MMP11: variants seen among roughly 807,000 people sequenced by gnomAD.
MMP11 encodes the protein stromelysin-3.
A neutral mutation model predicts 49.5 loss-of-function variants in MMP11; 26 were observed. The ratio of observed to expected loss-of-function variants is 0.52; its 90% CI spans 0.38 to 0.73. MMP11 has a LOEUF of 0.73. Ranked by LOEUF, MMP11 falls within the 30% of genes least tolerant of loss-of-function variation. The pLI is 0.00. For missense variants in MMP11, 624 were observed against 671.2 expected, an observed-to-expected ratio of 0.93 and a Z score of 0.78; for synonymous variants, 265 against 282.3, an observed-to-expected ratio of 0.94 and a Z score of 0.62.
chr22:23,783,127 G>A (rs1015872490), intron 7 of MMP11, among the ~76,000 whole-genome samples: 2 of 152,186 alleles, frequency 1.3e-5, no homozygotes, highest in South Asian at 2.1e-4. Flanking sequence ...TGGGGGCAAC[G>A]GGACTTGCTT....
chr22:23,783,514 C>T lies in MMP11; in HGVS notation c.1437C>T (p.Gly479=). Residue 479 remains glycine (G), a synonymous_variant, in exon 8 of 8, where the codon GGC becomes GGT. Transcript: ENST00000215743. ...GTCTCGTGGGTCCTGACTTCTTTGG[C>T]TGTGCCGAGCCTGCCAACACTTTCC... The part of the protein sequence containing the change: ...FPRLVGPDFF[G]CAEPANTFL 3 of 1,614,230 alleles carry T rather than the reference C, an allele frequency of 1.9e-6. No individual in the cohort carries two copies. The highest frequency in any genetic ancestry group is 2.5e-6 in the Non-Finnish European group (3 of 1,180,028).
Position 23,772,897 on chromosome 22 carries a change from C to A in MMP11, c.27C>A (p.Ser9Arg), listed in dbSNP as rs1168616816. Residue 9 changes from serine (S) to arginine (R), a missense_variant, in exon 1 of 8, where the codon AGC becomes AGA. Transcript: ENST00000215743. ...TGGCTCCGGCCGCCTGGCTCCGCAG[C>A]GCGGCCGCGCGCGCCCTCCTGCCCC... MAPAAWLR[S>R]AAARALLPPM... 14 of 1,167,912 alleles carry A rather than the reference C, an allele frequency of 1.2e-5. No homozygotes were observed. The highest frequency in any genetic ancestry group is 1.6e-5 in the African/African-American group (1 of 61,720). 72.3% of individuals were successfully genotyped at this position (1,167,912 alleles called of 1,614,324 possible).
intron 2 of MMP11, chr22:23,779,638 G>A (rs1325903575): frequency 1.7e-6 from 1 of 576,162 alleles, no homozygotes; most frequent in Non-Finnish European, 3.1e-6. Flanking sequence ...GAGGGGCAGA[G>A]CCTCCGTCAT....
At position 23,781,302 on chromosome 22, in the gene MMP11, A is replaced by C. The variant is rs752352234; in HGVS notation, c.968A>C (p.Gln323Pro). The change falls in exon 6 of 8, where the codon CAG becomes CCG. Residue 323 changes from glutamine to proline, a missense_variant. Gln to Pro is a moderately conservative substitution (Grantham distance 76, BLOSUM62 -1). Coordinates refer to ENST00000215743, the MANE Select transcript of MMP11 (RefSeq NM_005940.5). ...TTTGTGTGGCGCCTCCGTGGGGGCC[A>C]GCTGCAGCCCGGCTACCCAGCATTG... ...AGFVWRLRGG[Q>P]LQPGYPALAS... is the part of the protein sequence containing the mutation. The C allele has an allele frequency of 6.2e-7, 1 of 1,612,870 alleles. No individual in the cohort carries two copies. The highest frequency in any genetic ancestry group is 1.1e-5 in the South Asian group (1 of 91,082).
At chr22:23,781,503 C>G in intron 6 of MMP11, 94 bp downstream of exon 6, 2 of 1,221,590 alleles carry the variant, frequency 1.6e-6, no homozygotes, top group Non-Finnish European at 2.3e-6. Flanking sequence ...CTTAGGGACA[C>G]AGTGGATAGG....
chr22:23,781,743 T>C (rs1045247381), intron 6 of MMP11: 5 of 627,988 alleles, frequency 8.0e-6, no homozygotes, highest in East Asian at 3.5e-5. Flanking sequence ...TGAGTGCAGC[T>C]GGGAAGAGGC....
Position 23,780,367 on chromosome 22 carries a change from G to A in MMP11, c.347G>A (p.Arg116Gln), listed in dbSNP as rs1444868347. 6.2e-7 allele frequency: 1 copy of A among 1,612,948 alleles called. No homozygotes were observed. Among genetic ancestry groups the A allele is most frequent in the Non-Finnish European group, 8.5e-7 (1 of 1,180,030 alleles). Residue 116 changes from arginine to glutamine, a missense_variant, in exon 3 of 8, where the codon CGG (arginine) becomes CAG (glutamine). Arg to Gln is a conservative substitution (Grantham distance 43). Transcript: ENST00000215743. The surrounding 1 kb of genome is among the most constrained non-coding windows in gnomAD (Gnocchi z 4.6). The part of the protein sequence containing the change: ...EKTDLTYRIL[R>Q]FPWQLVQEQV... ...CCTCCATCTCCCTCCAGGATCCTTC[G>A]GTTCCCATGGCAGTTGGTGCAGGAG...
At position 23,781,322 on chromosome 22, in the gene MMP11, G is replaced by A. The variant is rs1188606428; in HGVS notation, c.988G>A (p.Ala330Thr). 27 of 1,613,186 alleles carry A rather than the reference G, an allele frequency of 1.7e-5. No individual in the cohort carries two copies. The highest frequency in any genetic ancestry group is 2.3e-5 in the Non-Finnish European group (27 of 1,180,000). ...RGGQLQPGYP[A>T]LASRHWQGLP... ...GGGCCAGCTGCAGCCCGGCTACCCA[G>A]CATTGGCCTCTCGCCACTGGCAGGG... is the stretch of plus-strand genomic sequence containing the variant. The change falls in exon 6 of 8, where the codon GCA becomes ACA. Residue 330 changes from alanine to threonine, a missense_variant. Physicochemically the swap from Ala to Thr is moderately conservative, Grantham distance 58. Coordinates refer to ENST00000215743, the MANE Select transcript of MMP11 (RefSeq NM_005940.5).
At chr22:23,773,909 C>T (rs1358475388) in intron 1 of MMP11, among the ~76,000 whole-genome samples, 2 of 152,108 alleles carry the variant, frequency 1.3e-5, no homozygotes, top group Non-Finnish European at 2.9e-5. Context: ...AGGCTGGGAC[C>T]CTCTGTCCAG....
intron 1 of MMP11, among the ~76,000 whole-genome samples, chr22:23,773,744 G>A (rs972501474): frequency 6.6e-6 from 1 of 152,192 alleles, no homozygotes; most frequent in Non-Finnish European, 1.5e-5. Flanking sequence ...CCTTCCCTGG[G>A]GCGCTTCCAG....
intron 6 of MMP11, chr22:23,781,694 G>A: frequency 1.5e-6 from 1 of 657,870 alleles, no homozygotes; most frequent in Non-Finnish European, 2.9e-6. Flanking sequence ...TTCTAGAGAT[G>A]AGGCCTCTGG....
At chr22:23,778,438 A>T (rs1927493026) in intron 1 of MMP11, among the ~76,000 whole-genome samples, 1 of 152,154 alleles carries the variant, frequency 6.6e-6, no homozygotes, top group African/African-American at 2.4e-5. Flanking sequence ...CCCCGCTTGA[A>T]GAAGGCAGGC....
intron 7 of MMP11, 183 bp downstream of exon 7, chr22:23,782,666 G>C: frequency 1.4e-6 from 1 of 726,442 alleles, no homozygotes; most frequent in East Asian, 2.7e-5. Flanking sequence ...TTGCAGATGA[G>C]GAAACTGAGG....
chr22:23,780,772 G>T lies in MMP11; in HGVS notation c.616+57G>T. ...GCAACCGAAGATCATAAAGAATGGGGACTCGCCAAGGTCACTGAGCTGGGG... is the reference window on the plus strand; with the variant it reads ...GCAACCGAAGATCATAAAGAATGGGTACTCGCCAAGGTCACTGAGCTGGGG... On this transcript the variant is annotated intron_variant, in intron 4 of 7. Transcript: ENST00000215743. This position sits in a 1 kb window ranked among gnomAD's most constrained non-coding sequence, Gnocchi z 4.6. 1 of 1,558,582 alleles carries T rather than the reference G, an allele frequency of 6.4e-7. No homozygotes were observed.
In MMP11 at chr22:23,779,435, G is replaced by A. The variant is rs1339036898; in HGVS notation, c.338+19G>A. On this transcript the variant is annotated intron_variant, in intron 2 of 7. Transcript: ENST00000215743. ...CCTACAGGTAGGGGCCTGGGAGCAG[G>A]ACACTAGGATGCCACCTGTGTGTCC... 2 of 1,593,910 alleles carry A rather than the reference G, an allele frequency of 1.3e-6. No homozygotes were observed. Among genetic ancestry groups the A allele is most frequent in the African/African-American group, 1.3e-5 (1 of 74,756 alleles).
intron 1 of MMP11, among the ~76,000 whole-genome samples, chr22:23,778,170 C>T (rs1161272793): frequency 4.6e-5 from 7 of 152,232 alleles, no homozygotes; most frequent in South Asian, 2.1e-4. Context: ...GGCTTCTGTG[C>T]GGTGTCCAGA....
Position 23,780,679 on chromosome 22 carries a change from G to A in MMP11, c.580G>A (p.Asp194Asn), listed in dbSNP as rs756398219. ...TCACCGAGAAGGGGATGTCCACTTC[G>A]ACTATGATGAGACCTGGACTATCGG... is the stretch of plus-strand genomic sequence containing the variant. ...KTHREGDVHF[D>N]YDETWTIGDD... The change falls in exon 4 of 8, where the codon GAC becomes AAC. Residue 194 changes from aspartate to asparagine, a missense_variant. By Grantham distance (23) the Asp-to-Asn change is conservative (BLOSUM62 1). Transcript: ENST00000215743. The surrounding 1 kb of genome is among the most constrained non-coding windows in gnomAD (Gnocchi z 4.6). The A allele has an allele frequency of 7.6e-6, 12 of 1,573,890 alleles. No homozygotes were observed. The highest frequency in any genetic ancestry group is 1.8e-5 in the Admixed American group (1 of 54,872).
At chr22:23,781,674 T>C (rs977189963) in intron 6 of MMP11, 3 of 643,352 alleles carry the variant, frequency 4.7e-6, no homozygotes, top group South Asian at 1.7e-5. Context: ...AGCCACCCCA[T>C]GGGGCGGGGT....
At chr22:23,775,663 T>G (rs1927386290) in intron 1 of MMP11, among the ~76,000 whole-genome samples, 1 of 152,228 alleles carries the variant, frequency 6.6e-6, no homozygotes, top group African/African-American at 2.4e-5. Context: ...GAAGAGACCT[T>G]GATATGTGGG....
Sources: allele counts gnomAD v4.1 joint callset (sites outside exome capture counted in the v4.1 genomes callset), GRCh38; gene constraint gnomAD v4.1.1; non-coding constraint Gnocchi (gnomAD v3.1); transcripts MANE v1.5; gene names NCBI Gene and HGNC (gene_info 2026-07-23, HGNC 2026-07-21).